Variants in TLN2 observed in about 807,000 individuals in gnomAD.
The protein encoded by TLN2 is talin-2.
A neutral mutation model predicts 294.7 loss-of-function variants in TLN2; 118 were observed. That is an observed-to-expected ratio of 0.40 (90% CI 0.34 to 0.47). TLN2 has a LOEUF of 0.47. Among genes scored for constraint, TLN2 ranks in the 20% least tolerant of loss-of-function variants. The pLI is 0.84. For synonymous variants in TLN2, 1,431 were observed against 1,304.5 expected, an observed-to-expected ratio of 1.10 and a Z score of -2.09; for missense variants, 3,083 against 3,282.2, an observed-to-expected ratio of 0.94 and a Z score of 1.48.
intron 37 of TLN2, among the ~76,000 whole-genome samples, 183 bp from the exon 38 acceptor site, chr15:62,761,498 A>G (rs1467864001): frequency 1.3e-5 from 2 of 152,036 alleles, no homozygotes; most frequent in South Asian, 2.1e-4. Flanking sequence ...ACAACATCTA[A>G]CTGGGCCCCT....
At chr15:62,618,778 G>C (rs1201647231) in intron 3 of TLN2, among the ~76,000 whole-genome samples, 2 of 152,226 alleles carry the variant, frequency 1.3e-5, no homozygotes, top group Non-Finnish European at 2.9e-5. Flanking sequence ...TTCTCCTGAT[G>C]TGTAGGTTTT....
At chr15:62,775,102 G>A (rs1158212550) in intron 42 of TLN2, among the ~76,000 whole-genome samples, 7 of 151,854 alleles carry the variant, frequency 4.6e-5, no homozygotes, top group Non-Finnish European at 7.4e-5. Context: ...GACTACAGGC[G>A]CCCGCCACCA....
chr15:62,686,923 A>C, intron 12 of TLN2, 127 bp downstream of exon 12: 1 of 1,284,862 alleles, frequency 7.8e-7, no homozygotes, highest in Non-Finnish European at 1.1e-6. Context: ...GGAGTGAGGA[A>C]GATGGTGCAA....
At chr15:62,421,570 A>C (rs2034395542) in intron 1 of TLN2, among the ~76,000 whole-genome samples, 3 of 152,142 alleles carry the variant, frequency 2.0e-5, no homozygotes, top group African/African-American at 7.2e-5. Context: ...AAACTAATGC[A>C]GGAACAGAAA....
chr15:62,748,858 G>T (rs924304897), intron 33 of TLN2, among the ~76,000 whole-genome samples: 1 of 152,206 alleles, frequency 6.6e-6, no homozygotes, highest in African/African-American at 2.4e-5. Flanking sequence ...GAGTAAAAAT[G>T]ATTTTCCCAT....
intron 1 of TLN2, among the ~76,000 whole-genome samples, chr15:62,452,689 C>G (rs559233314): frequency 2.6e-5 from 4 of 152,294 alleles, no homozygotes; most frequent in African/African-American, 7.2e-5. Context: ...TGGAATCATA[C>G]CGCATTTGTT....
intron 52 of TLN2, among the ~76,000 whole-genome samples, chr15:62,811,962 A>G (rs889806523): frequency 6.6e-6 from 1 of 151,912 alleles, no homozygotes; most frequent in Non-Finnish European, 1.5e-5. Context: ...CAGTGAGTCA[A>G]GATCACACCA....
At chr15:62,510,574 T>C (rs139791129) in intron 1 of TLN2, among the ~76,000 whole-genome samples, 141 of 152,368 alleles carry the variant, frequency 9.3e-4, no homozygotes, top group African/African-American at 3.3e-3. Context: ...ATGTGTAAGT[T>C]ATGGGTATTG....
chr15:62,649,438 G>A (rs1396243142), intron 4 of TLN2, among the ~76,000 whole-genome samples: 1 of 152,130 alleles, frequency 6.6e-6, no homozygotes, highest in African/African-American at 2.4e-5. Context: ...AAATTTTGGG[G>A]TAGGAAATGG....
chr15:62,707,909 G>A (rs1257505460), intron 20 of TLN2, among the ~76,000 whole-genome samples: 2 of 152,062 alleles, frequency 1.3e-5, no homozygotes, highest in Admixed American at 6.5e-5. Flanking sequence ...GATGGGAAAT[G>A]TCCGTTTCTG....
At chr15:62,630,568 C>T (rs2049703068) in intron 3 of TLN2, among the ~76,000 whole-genome samples, 1 of 152,160 alleles carries the variant, frequency 6.6e-6, no homozygotes, top group African/African-American at 2.4e-5. Flanking sequence ...AGTCCGAGGC[C>T]AGGTTTGTTT....
chr15:62,792,913 G>T, intron 46 of TLN2, 126 bp downstream of exon 46: 1 of 1,436,134 alleles, frequency 7.0e-7, no homozygotes, highest in Non-Finnish European at 9.4e-7. Context: ...GTCTCATCCC[G>T]ATCTTCCCCA....
intron 1 of TLN2, among the ~76,000 whole-genome samples, chr15:62,508,205 T>TA (rs1283483290): frequency 1.3e-5 from 2 of 152,058 alleles, no homozygotes; most frequent in Non-Finnish European, 2.9e-5. Flanking sequence ...GATGATTTTT[T>TA]AAAATTATTT....
chr15:62,617,959 A>G (rs934384226), intron 2 of TLN2, among the ~76,000 whole-genome samples: 2 of 149,106 alleles, frequency 1.3e-5, no homozygotes, highest in Non-Finnish European at 3.0e-5. Flanking sequence ...CATTCAGGCA[A>G]TTCTTTTTTT....
At chr15:62,748,030 C>T (rs1322027839) in intron 32 of TLN2, among the ~76,000 whole-genome samples, 2 of 151,934 alleles carry the variant, frequency 1.3e-5, no homozygotes, top group Non-Finnish European at 2.9e-5. Flanking sequence ...GAGGTAGACA[C>T]ACTGGTGTAA....
intron 45 of TLN2, among the ~76,000 whole-genome samples, chr15:62,791,650 A>G (rs1217668313): frequency 6.6e-6 from 1 of 152,226 alleles, no homozygotes; most frequent in African/African-American, 2.4e-5. Context: ...AGATCTTTTC[A>G]TAACTATTCC....
At chr15:62,461,321 T>A (rs2036793556) in intron 1 of TLN2, among the ~76,000 whole-genome samples, 1 of 152,184 alleles carries the variant, frequency 6.6e-6, no homozygotes, top group Admixed American at 6.5e-5. Flanking sequence ...TTCAGCATGA[T>A]GTTTGTGAGA....
At position 62,805,605 on chromosome 15, in the gene TLN2, C is replaced by T. The variant is rs752819629; in HGVS notation, c.6483C>T (p.Phe2161=). The T allele has an allele frequency of 3.3e-5, 52 of 1,590,882 alleles. No individual in the cohort carries two copies. The highest frequency in any genetic ancestry group is 4.5e-5 in the Non-Finnish European group (52 of 1,164,516). The part of the protein sequence containing the change: ...IECIKQELTV[F]QSKDVPEKTS... ...TCTCTGTTTCTGACTTCCAGGTGTTCCAGTCAAAAGACGTACCTGAAAAGA... is the reference window on the plus strand; with the variant it reads ...TCTCTGTTTCTGACTTCCAGGTGTTTCAGTCAAAAGACGTACCTGAAAAGA... Residue 2161 remains phenylalanine (F), a synonymous_variant, in exon 51 of 59, where the codon TTC becomes TTT. Transcript: ENST00000636159.
At chr15:62,778,524 A>G (rs190444035) in intron 43 of TLN2, among the ~76,000 whole-genome samples, 7 of 152,366 alleles carry the variant, frequency 4.6e-5, no homozygotes, top group Non-Finnish European at 1.0e-4. Flanking sequence ...ATGATAGGGA[A>G]GGATTCCATA....
Sources: allele counts gnomAD v4.1 joint callset (sites outside exome capture counted in the v4.1 genomes callset), GRCh38; gene constraint gnomAD v4.1.1; transcripts MANE v1.5; gene names NCBI Gene and HGNC (gene_info 2026-07-23, HGNC 2026-07-21).